WWOX: variants seen among roughly 807,000 people sequenced by gnomAD.
WWOX encodes WW domain containing oxidoreductase.
WWOX carries 69 observed loss-of-function variants against 46.2 expected under a neutral mutation model. That is an observed-to-expected ratio of 1.49 (90% CI 1.23 to 1.82). The LOEUF is 1.82. WWOX is among the 40% of genes most tolerant of loss of function. The probability of loss-of-function intolerance (pLI) is 0.00; values close to 1 mark genes in which losing one functional copy is unlikely to be tolerated. For missense variants in WWOX, 919 were observed against 542.6 expected (o/e 1.69, Z -6.89); for synonymous variants, 359 against 202.6 (o/e 1.77, Z -6.56).
At chr16:78,525,877 G>A (rs943850664) in intron 8 of WWOX, 1 of 151,168 alleles carries the variant, frequency 6.6e-6, no homozygotes, top group African/African-American at 2.4e-5. Context: ...AAGGGGAGGT[G>A]TGAGAAGAAA....
intron 8 of WWOX, among the ~76,000 whole-genome samples, chr16:78,612,382 C>G (rs192074671): frequency 5.3e-5 from 8 of 152,230 alleles, no homozygotes; most frequent in African/African-American, 1.9e-4. Context: ...CCATCTCTTA[C>G]GGCAGGCAGC....
intron 8 of WWOX, among the ~76,000 whole-genome samples, chr16:78,658,468 A>G (rs1198399947): frequency 2.6e-5 from 4 of 152,178 alleles, no homozygotes; most frequent in African/African-American, 9.7e-5. Flanking sequence ...AGCTTGAAAC[A>G]ACAGAGATTT....
At chr16:79,042,864 A>C (rs1029491854) in intron 8 of WWOX, among the ~76,000 whole-genome samples, 6 of 152,208 alleles carry the variant, frequency 3.9e-5, no homozygotes, top group Non-Finnish European at 7.3e-5. Flanking sequence ...ATTTAATTAA[A>C]ATAGCTTTTA....
At chr16:78,237,794 A>C (rs1401268318) in intron 5 of WWOX, 2 of 152,192 alleles carry the variant, frequency 1.3e-5, no homozygotes, top group African/African-American at 4.8e-5. Flanking sequence ...AATTTGCAGA[A>C]ATTTGTTTTT....
intron 4 of WWOX, among the ~76,000 whole-genome samples, chr16:78,151,718 A>G (rs1489955607): frequency 6.6e-6 from 1 of 152,142 alleles, no homozygotes; most frequent in East Asian, 1.9e-4. Context: ...GTTTCTTCCT[A>G]TAGCAGGCAT....
At chr16:78,649,881 A>G (rs2046927978) in intron 8 of WWOX, among the ~76,000 whole-genome samples, 1 of 152,222 alleles carries the variant, frequency 6.6e-6, no homozygotes, top group Admixed American at 6.5e-5. Flanking sequence ...GGTATAAGGC[A>G]CAGTAGTGGA....
Position 78,125,301 on chromosome 16 carries a change from C to T in WWOX, c.409+10147C>T, listed in dbSNP as rs111832968. On this transcript the variant is annotated intron_variant, in intron 4 of 8. Transcript: ENST00000566780. ...ACAGGTCTTGGGCGGCGGGTGCCTG[C>T]AGGATAGATCAAAGGGTAATTGAGT... 2.5e-3 allele frequency among the ~76,000 whole-genome samples: 388 copies of T among 152,206 alleles called. 3 individuals carry two copies. Among genetic ancestry groups the T allele is most frequent in the Middle Eastern group, 0.01 (3 of 294 alleles).
chr16:78,360,321 C>G (rs894597669), intron 5 of WWOX, among the ~76,000 whole-genome samples: 18 of 152,150 alleles, frequency 1.2e-4, no homozygotes, highest in Admixed American at 1.1e-3. Context: ...CACAGTGGCT[C>G]ATGCCTGTAA....
intron 8 of WWOX, among the ~76,000 whole-genome samples, chr16:78,593,736 A>G (rs983883310): frequency 2.1e-5 from 3 of 145,142 alleles, no homozygotes; most frequent in African/African-American, 7.8e-5. Flanking sequence ...TAAAAAAAAA[A>G]AGAGAGAGAG....
intron 5 of WWOX, among the ~76,000 whole-genome samples, chr16:78,223,839 C>T (rs1169938442): frequency 6.6e-6 from 1 of 152,120 alleles, no homozygotes; most frequent in East Asian, 1.9e-4. Context: ...TAGCCATTTA[C>T]ATGTCAAGAC....
intron 6 of WWOX, among the ~76,000 whole-genome samples, chr16:78,421,162 A>G (rs983906795): frequency 1.3e-5 from 2 of 152,202 alleles, no homozygotes; most frequent in Non-Finnish European, 2.9e-5. Context: ...AAGCTATTAT[A>G]ACAAATTACC....
At position 78,757,997 on chromosome 16, in the gene WWOX, C is replaced by A. The variant is rs140552440; in HGVS notation, c.1056+325245C>A. 3.5e-3 allele frequency among the ~76,000 whole-genome samples: 529 copies of A among 152,174 alleles called. 5 individuals carry two copies. Among genetic ancestry groups the A allele is most frequent in the Middle Eastern group, 0.017 (5 of 294 alleles). On this transcript the variant is annotated intron_variant, in intron 8 of 8. Coordinates refer to ENST00000566780, the MANE Select transcript of WWOX (RefSeq NM_016373.4). ...AACACTGACCTTCTATCAGATCAGC[C>A]AGGATGCTCTTTTTCAAACTTCTGT...
chr16:78,452,767 G>A (rs575777624), intron 8 of WWOX, among the ~76,000 whole-genome samples: 1 of 150,972 alleles, frequency 6.6e-6, no homozygotes, highest in Admixed American at 6.6e-5. Context: ...ATGAACCACT[G>A]TGCCTAGCCT....
chr16:79,206,826 C>T (rs965003377), intron 8 of WWOX: 1 of 151,036 alleles, frequency 6.6e-6, no homozygotes, highest in African/African-American at 2.4e-5. Context: ...CTATGAGCCT[C>T]ATTCCTGTAT....
chr16:78,769,958 C>T (rs556829085), intron 8 of WWOX, among the ~76,000 whole-genome samples: 4 of 152,196 alleles, frequency 2.6e-5, no homozygotes, highest in East Asian at 1.9e-4. Flanking sequence ...GCAGGAGGAT[C>T]GCTTGAGCTC....
chr16:78,618,656 C>T (rs1453309666), intron 8 of WWOX, among the ~76,000 whole-genome samples: 3 of 152,222 alleles, frequency 2.0e-5, no homozygotes, highest in Non-Finnish European at 4.4e-5. Context: ...TAAGAGACCT[C>T]TTCTCAACAG....
chr16:79,124,751 A>G (rs10492900), intron 8 of WWOX, among the ~76,000 whole-genome samples: 18,805 of 152,288 alleles, frequency 0.12, 1,255 homozygotes, highest in Non-Finnish European at 0.14. Context: ...GTTTTGGTCA[A>G]GAGAAACTAA....
chr16:78,482,371 A>G (rs975568460), intron 8 of WWOX, among the ~76,000 whole-genome samples: 1 of 152,048 alleles, frequency 6.6e-6, no homozygotes, highest in East Asian at 1.9e-4. Flanking sequence ...ACAGGCATGC[A>G]CCACCATAGC....
At chr16:79,087,358 A>G (rs909192598) in intron 8 of WWOX, among the ~76,000 whole-genome samples, 3 of 152,256 alleles carry the variant, frequency 2.0e-5, no homozygotes, top group South Asian at 2.1e-4. Context: ...GCAGGGGAGA[A>G]GAAAGCCAGT....
Sources: allele counts gnomAD v4.1 joint callset (sites outside exome capture counted in the v4.1 genomes callset), GRCh38; gene constraint gnomAD v4.1.1; transcripts MANE v1.5; gene names NCBI Gene and HGNC (gene_info 2026-07-23, HGNC 2026-07-21).